PTK2B: variants seen among roughly 807,000 people sequenced by gnomAD.
PTK2B encodes protein tyrosine kinase 2 beta, also known as protein-tyrosine kinase 2-beta.
PTK2B carries 71 observed loss-of-function variants against 142.9 expected under a neutral mutation model. The ratio of observed to expected loss-of-function variants is 0.50; its 90% CI spans 0.41 to 0.61. The LOEUF (loss-of-function observed/expected upper bound fraction) is 0.61, where lower values mean the gene tolerates loss of function less well. Ranked by LOEUF, PTK2B falls within the 20% of genes least tolerant of loss-of-function variation. The pLI, the probability that PTK2B is intolerant of heterozygous loss-of-function variation, is 0.00. For missense variants in PTK2B, 1,105 were observed against 1,320.4 expected, an observed-to-expected ratio of 0.84 and a Z score of 2.53; for synonymous variants, 519 against 503.4, an observed-to-expected ratio of 1.03 and a Z score of -0.42.
chr8:27,315,939 T>TG (rs762807780), intron 3 of PTK2B, among the ~76,000 whole-genome samples: 2 of 151,456 alleles, frequency 1.3e-5, no homozygotes, highest in Non-Finnish European at 2.9e-5. Flanking sequence ...TTGCATATGG[T>TG]GGGGGGGTGG....
chr8:27,349,321 G>C (rs749743509), intron 1 of PTK2B, among the ~76,000 whole-genome samples: 2 of 152,162 alleles, frequency 1.3e-5, no homozygotes, highest in Non-Finnish European at 2.9e-5. Flanking sequence ...TTCTAGAGGG[G>C]TTGGAATATT....
chr8:27,321,560 T>G (rs993301995), upstream of PTK2B, among the ~76,000 whole-genome samples: 1 of 152,184 alleles, frequency 6.6e-6, no homozygotes, highest in Non-Finnish European at 1.5e-5. Flanking sequence ...ATAGACTGGA[T>G]GGCTGCTCCA....
chr8:27,423,199 G>A (rs182683610), intron 5 of PTK2B, among the ~76,000 whole-genome samples: 1 of 152,152 alleles, frequency 6.6e-6, no homozygotes, highest in Admixed American at 6.5e-5. Context: ...AAAAAAATAG[G>A]CCTTATTCTT....
At chr8:27,364,824 A>T (rs920724400) in intron 1 of PTK2B, among the ~76,000 whole-genome samples, 3 of 152,108 alleles carry the variant, frequency 2.0e-5, no homozygotes, top group African/African-American at 7.2e-5. Context: ...ATCTTCCTTC[A>T]TCTACTCCTT....
intron 2 of PTK2B, among the ~76,000 whole-genome samples, chr8:27,411,165 GAGAA>G (rs1336186349): frequency 6.6e-6 from 1 of 152,194 alleles, no homozygotes; most frequent in East Asian, 1.9e-4. Flanking sequence ...TTTATTAATA[GAGAA>G]AGAAATATTG....
intron 1 of PTK2B, among the ~76,000 whole-genome samples, chr8:27,345,923 C>G (rs921989105): frequency 2.6e-4 from 39 of 152,138 alleles, no homozygotes; most frequent in African/African-American, 9.2e-4. Context: ...AGGAGATGCT[C>G]ACACCACTGG....
intron 1 of PTK2B, among the ~76,000 whole-genome samples, chr8:27,393,945 A>G (rs1330516330): frequency 1.3e-5 from 2 of 152,152 alleles, no homozygotes; most frequent in African/African-American, 4.8e-5. Flanking sequence ...CCATAGCTGC[A>G]TATACAGTCA....
chr8:27,415,675 A>T (rs902923406), intron 2 of PTK2B, among the ~76,000 whole-genome samples: 1 of 152,352 alleles, frequency 6.6e-6, no homozygotes, highest in African/African-American at 2.4e-5. Flanking sequence ...TTACTAGCTT[A>T]AAGTGTCAGA....
At chr8:27,400,182 G>A (rs1207845169) in intron 2 of PTK2B, among the ~76,000 whole-genome samples, 7 of 152,140 alleles carry the variant, frequency 4.6e-5, no homozygotes, top group African/African-American at 1.4e-4. Context: ...GTGTGCCCTC[G>A]GGAAGGGAAT....
intron 2 of PTK2B, among the ~76,000 whole-genome samples, chr8:27,402,951 G>A (rs1021011381): frequency 4.6e-5 from 7 of 152,164 alleles, no homozygotes; most frequent in African/African-American, 1.7e-4. Context: ...GGTTGTGAGA[G>A]CAAGACTGGG....
Position 27,437,367 on chromosome 8 carries a change from C to T in PTK2B, c.1427-29C>T, listed in dbSNP as rs759383026. The T allele has an allele frequency of 2.5e-6, 4 of 1,596,642 alleles. No homozygotes were observed. The South Asian group carries it at 4.5e-5, about 18-fold the overall frequency. On this transcript the variant is annotated intron_variant, in intron 16 of 30. Coordinates refer to ENST00000346049, the MANE Select transcript of PTK2B (RefSeq NM_173176.3). ...TGAATTGGACCTTTGAGCCGCTCCA[C>T]CTGTCCCTCTTGCCCCACCACACTG...
intron 1 of PTK2B, among the ~76,000 whole-genome samples, chr8:27,369,212 A>C (rs1806194323): frequency 6.6e-6 from 1 of 151,808 alleles, no homozygotes; most frequent in Non-Finnish European, 1.5e-5. Context: ...CTCTTCCTCC[A>C]CACCCCCTGC....
At chr8:27,400,797 C>T (rs913102792) in intron 2 of PTK2B, among the ~76,000 whole-genome samples, 10 of 152,256 alleles carry the variant, frequency 6.6e-5, no homozygotes, top group African/African-American at 1.2e-4. Flanking sequence ...CACGGAGGAG[C>T]GTGGGTCTGG....
intron 1 of PTK2B, among the ~76,000 whole-genome samples, chr8:27,361,472 C>G (rs912294839): frequency 3.9e-5 from 6 of 152,174 alleles, no homozygotes; most frequent in African/African-American, 1.4e-4. Context: ...GATGCTCCCA[C>G]TTTAGCCTCC....
intron 1 of PTK2B, among the ~76,000 whole-genome samples, chr8:27,356,148 G>A (rs894154273): frequency 6.6e-6 from 1 of 152,110 alleles, no homozygotes. Context: ...AGAAAACATG[G>A]CCCCCTTAGT....
intron 1 of PTK2B, among the ~76,000 whole-genome samples, chr8:27,347,921 A>C (rs909706966): frequency 1.1e-4 from 17 of 152,198 alleles, no homozygotes; most frequent in African/African-American, 4.1e-4. Context: ...AGAAGCTCTC[A>C]TGCCAAGCAG....
chr8:27,333,128 G>C (rs1803859490), intron 1 of PTK2B, among the ~76,000 whole-genome samples: 1 of 152,180 alleles, frequency 6.6e-6, no homozygotes, highest in South Asian at 2.1e-4. Context: ...AGGATACACT[G>C]TGGGAACTTG....
rs772033077 is a variant in PTK2B, at chr8:27,420,047, G to A, written c.357G>A (p.Glu119=). The part of the protein sequence containing the change: ...MTVGEVQDKY[E]CLHVEAEWRY... ...TGGGTGAGGTGCAGGACAAGTATGA[G>A]TGTCTGCACGTGGAAGCCGAGTGGA... is the stretch of plus-strand genomic sequence containing the variant. Residue 119 remains glutamate (E), a synonymous_variant, in exon 3 of 31, where the codon GAG becomes GAA. Transcript: ENST00000346049. 4 of 1,614,190 alleles carry A rather than the reference G, an allele frequency of 2.5e-6. No individual in the cohort carries two copies. The highest frequency in any genetic ancestry group is 3.4e-6 in the Non-Finnish European group (4 of 1,180,022).
chr8:27,430,114 C>G lies in PTK2B; in HGVS notation c.573C>G (p.Pro191=), dbSNP rs542091902. The change falls in exon 6 of 31, where the codon CCC becomes CCG. Residue 191 remains proline (P), a synonymous_variant. Coordinates refer to ENST00000346049, the MANE Select transcript of PTK2B (RefSeq NM_173176.3). Reference sequence around the variant, plus strand: ...CCAGGCGGTTCTTCAAGGATATGCCCCACAATGCACTTGACAAGAAGTCCA... The same window carrying G: ...CCAGGCGGTTCTTCAAGGATATGCCGCACAATGCACTTGACAAGAAGTCCA... ...LELRRFFKDM[P]HNALDKKSNF... 6 of 1,613,972 alleles carry G rather than the reference C, an allele frequency of 3.7e-6. No homozygotes were observed. The Admixed American group carries it at 1.0e-4, about 27-fold the overall frequency.
Sources: gnomAD v4.1 joint callset for allele counts (sites outside exome capture counted in the v4.1 genomes callset) on GRCh38, gnomAD v4.1.1 for gene constraint, MANE v1.5 for transcripts, NCBI Gene and HGNC (gene_info 2026-07-23, HGNC 2026-07-21) for gene names.